Variants in CSMD1 observed in about 807,000 individuals in gnomAD.
CSMD1 encodes the protein CUB and sushi domain-containing protein 1.
CSMD1 carries 213 observed loss-of-function variants against 417.5 expected under a neutral mutation model. The ratio of observed to expected loss-of-function variants is 0.51; its 90% CI spans 0.46 to 0.57. The LOEUF (loss-of-function observed/expected upper bound fraction) is 0.57, where lower values mean the gene tolerates loss of function less well. Among genes scored for constraint, CSMD1 ranks in the 20% least tolerant of loss-of-function variants. The probability of loss-of-function intolerance (pLI) is 0.00; values close to 1 mark genes in which losing one functional copy is unlikely to be tolerated. For synonymous variants in CSMD1, 2,862 were observed against 1,736.8 expected (o/e 1.65, Z -16.11); for missense variants, 6,923 against 4,529.7 (o/e 1.53, Z -15.17).
chr8:3,238,940 G>A (rs752173724), intron 26 of CSMD1, among the ~76,000 whole-genome samples: 4 of 152,150 alleles, frequency 2.6e-5, no homozygotes, highest in Non-Finnish European at 5.9e-5. Context: ...GTGAATAGGA[G>A]TATGACTAGA....
intron 7 of CSMD1, among the ~76,000 whole-genome samples, chr8:3,671,072 G>T (rs942433065): frequency 7.4e-6 from 1 of 135,658 alleles, no homozygotes; most frequent in African/African-American, 2.6e-5. Flanking sequence ...ATGTATATGG[G>T]ATATATACAT....
At chr8:3,348,248 C>T (rs540950113) in intron 21 of CSMD1, 87 bp from the exon 22 acceptor site, 732 of 914,176 alleles carry the variant, frequency 8.0e-4, no homozygotes, top group Non-Finnish European at 1.1e-3. Flanking sequence ...TCATGATAGC[C>T]TCCTCTTCTA....
At chr8:3,890,144 G>T (rs769749331) in intron 5 of CSMD1, among the ~76,000 whole-genome samples, 1 of 152,078 alleles carries the variant, frequency 6.6e-6, no homozygotes, top group Non-Finnish European at 1.5e-5. Context: ...TGGGTGTATG[G>T]ACTAGTGCTT....
At chr8:4,534,916 C>A (rs890016773) in intron 2 of CSMD1, among the ~76,000 whole-genome samples, 2 of 152,148 alleles carry the variant, frequency 1.3e-5, no homozygotes, top group African/African-American at 4.8e-5. Flanking sequence ...GTGCCTGCCA[C>A]CACGCCCGGC....
chr8:3,720,581 G>C (rs889354270), intron 6 of CSMD1, among the ~76,000 whole-genome samples: 2 of 149,732 alleles, frequency 1.3e-5, no homozygotes, highest in African/African-American at 4.9e-5. Flanking sequence ...TTCACAGTAG[G>C]AGAAACCTCA....
intron 26 of CSMD1, among the ~76,000 whole-genome samples, chr8:3,267,886 C>A (rs917917878): frequency 3.3e-5 from 5 of 152,042 alleles, no homozygotes; most frequent in African/African-American, 1.2e-4. Flanking sequence ...TGCATAGAGT[C>A]CTAACTCACT....
intron 3 of CSMD1, among the ~76,000 whole-genome samples, chr8:4,217,718 AC>A (rs1370279552): frequency 3.3e-5 from 5 of 152,190 alleles, no homozygotes; most frequent in Non-Finnish European, 7.3e-5. Flanking sequence ...AGGAAATACA[AC>A]TGTATGACTT....
intron 3 of CSMD1, among the ~76,000 whole-genome samples, chr8:4,074,124 T>G (rs548094654): frequency 2.0e-5 from 3 of 152,086 alleles, no homozygotes; most frequent in Non-Finnish European, 2.9e-5. Flanking sequence ...GGGTTTTAAG[T>G]TGATCATGCT....
chr8:3,490,132 G>C (rs550694637), intron 11 of CSMD1, among the ~76,000 whole-genome samples: 7 of 152,142 alleles, frequency 4.6e-5, no homozygotes, highest in Non-Finnish European at 1.0e-4. Flanking sequence ...TTATTTTTCT[G>C]TGATCTGGTA....
At chr8:3,672,468 C>G (rs1173888035) in intron 7 of CSMD1, among the ~76,000 whole-genome samples, 1 of 152,156 alleles carries the variant, frequency 6.6e-6, no homozygotes, top group Non-Finnish European at 1.5e-5. Context: ...ATGTTCAAAA[C>G]ACGTGTAGGT....
chr8:4,155,173 T>A (rs949901869), intron 3 of CSMD1, among the ~76,000 whole-genome samples: 3 of 152,194 alleles, frequency 2.0e-5, no homozygotes, highest in African/African-American at 7.2e-5. Flanking sequence ...ACTGTTTACA[T>A]AATTTGCCCA....
At chr8:4,514,690 G>C (rs1033151786) in intron 2 of CSMD1, among the ~76,000 whole-genome samples, 9 of 152,072 alleles carry the variant, frequency 5.9e-5, no homozygotes, top group Non-Finnish European at 1.3e-4. Context: ...AGAGTACCTG[G>C]TACCTAATAT....
intron 1 of CSMD1, among the ~76,000 whole-genome samples, chr8:4,806,484 T>C (rs752249705): frequency 2.0e-5 from 3 of 151,248 alleles, no homozygotes; most frequent in Non-Finnish European, 4.4e-5. Context: ...GGGCCATCTA[T>C]TTAGTTTACA....
intron 3 of CSMD1, among the ~76,000 whole-genome samples, chr8:4,278,317 G>A (rs941444397): frequency 6.6e-6 from 1 of 152,090 alleles, no homozygotes; most frequent in African/African-American, 2.4e-5. Context: ...GGTAGTGCTG[G>A]TAATCTACAA....
At chr8:3,949,939 C>T (rs774097091) in intron 5 of CSMD1, 5 of 455,966 alleles carry the variant, frequency 1.1e-5, no homozygotes, top group South Asian at 4.6e-5. Flanking sequence ...TGAAAACACA[C>T]ATGGAGAGGT....
At chr8:4,930,388 T>C (rs1223803497) in intron 1 of CSMD1, among the ~76,000 whole-genome samples, 7 of 152,150 alleles carry the variant, frequency 4.6e-5, no homozygotes, top group African/African-American at 1.7e-4. Context: ...CACACGCATA[T>C]ATATATACAC....
intron 5 of CSMD1, among the ~76,000 whole-genome samples, chr8:3,869,209 C>G (rs545353044): frequency 6.6e-6 from 1 of 152,268 alleles, no homozygotes; most frequent in African/African-American, 2.4e-5. Flanking sequence ...GGCCCTCCAC[C>G]TCGGTGTTTC....
intron 41 of CSMD1, among the ~76,000 whole-genome samples, chr8:3,141,174 AGT>A (rs1818415500): frequency 6.6e-6 from 1 of 152,152 alleles, no homozygotes; most frequent in South Asian, 2.1e-4. Context: ...CATGGGAGAG[AGT>A]GTGTGCAGGT....
At chr8:4,973,307 C>T (rs1422393357) in intron 1 of CSMD1, among the ~76,000 whole-genome samples, 4 of 152,082 alleles carry the variant, frequency 2.6e-5, no homozygotes, top group Non-Finnish European at 1.5e-5. Flanking sequence ...ACTGCACAGG[C>T]CTTGACTTAT....
Sources: gnomAD v4.1 joint callset for allele counts (sites outside exome capture counted in the v4.1 genomes callset) on GRCh38, gnomAD v4.1.1 for gene constraint, MANE v1.5 for transcripts, NCBI Gene and HGNC (gene_info 2026-07-23, HGNC 2026-07-21) for gene names.